Variants in MPP7 observed in about 807,000 individuals in gnomAD.
MPP7 encodes the protein MAGUK p55 subfamily member 7.
A neutral mutation model predicts 76.5 loss-of-function variants in MPP7; 60 were observed. That is an observed-to-expected ratio of 0.78 (90% CI 0.64 to 0.97). The LOEUF (loss-of-function observed/expected upper bound fraction) is 0.97, where lower values mean the gene tolerates loss of function less well. MPP7 is among the 50% of genes least tolerant of loss of function. The pLI is 0.00. For synonymous variants in MPP7, 237 were observed against 244.5 expected, an observed-to-expected ratio of 0.97 and a Z score of 0.29; for missense variants, 641 against 694.0, an observed-to-expected ratio of 0.92 and a Z score of 0.86.
At chr10:28,168,668 G>A (rs182394065) in intron 3 of MPP7, among the ~76,000 whole-genome samples, 21 of 151,998 alleles carry the variant, frequency 1.4e-4, no homozygotes, top group African/African-American at 5.1e-4. Flanking sequence ...ACAGGTGCCT[G>A]CCACCATGCT....
chr10:28,121,370 CA>C (rs945401263), intron 8 of MPP7, among the ~76,000 whole-genome samples: 1 of 149,246 alleles, frequency 6.7e-6, no homozygotes, highest in Non-Finnish European at 1.5e-5. Flanking sequence ...GTCAGTAGTG[CA>C]GTTACAAATA....
intron 1 of MPP7, among the ~76,000 whole-genome samples, chr10:28,283,154 A>T (rs867640674): frequency 2.6e-5 from 4 of 152,108 alleles, no homozygotes; most frequent in Admixed American, 6.5e-5. Flanking sequence ...TATCCAAATT[A>T]TGTGAAGGAG....
intron 2 of MPP7, among the ~76,000 whole-genome samples, chr10:28,227,476 C>A (rs975099397): frequency 6.6e-6 from 1 of 151,828 alleles, no homozygotes; most frequent in African/African-American, 2.4e-5. Context: ...CCACCCCCAA[C>A]CCCCGACAGG....
intron 3 of MPP7, among the ~76,000 whole-genome samples, chr10:28,163,545 G>A (rs371854360): frequency 1.1e-4 from 17 of 152,178 alleles, no homozygotes; most frequent in African/African-American, 3.9e-4. Flanking sequence ...ACCAGGATAG[G>A]CAAGAAACTT....
intron 4 of MPP7, among the ~76,000 whole-genome samples, chr10:28,148,434 A>G (rs542849385): frequency 6.6e-6 from 1 of 152,254 alleles, no homozygotes; most frequent in South Asian, 2.1e-4. Flanking sequence ...TTATTTAAAA[A>G]CCCGTCTTAA....
chr10:28,153,525 G>GT (rs933984774), intron 3 of MPP7, among the ~76,000 whole-genome samples: 18 of 151,918 alleles, frequency 1.2e-4, no homozygotes, highest in African/African-American at 4.4e-4. Flanking sequence ...GTCCATAAGG[G>GT]TTTTTTTCCT....
chr10:28,213,226 T>C (rs1312094313), intron 2 of MPP7, among the ~76,000 whole-genome samples: 1 of 152,048 alleles, frequency 6.6e-6, no homozygotes, highest in Non-Finnish European at 1.5e-5. Flanking sequence ...AGAGAATTGA[T>C]CCTTGTACGG....
chr10:28,088,287 C>T (rs1853116349), intron 12 of MPP7, among the ~76,000 whole-genome samples: 1 of 152,064 alleles, frequency 6.6e-6, no homozygotes, highest in African/African-American at 2.4e-5. Flanking sequence ...GGCTCTGTGT[C>T]CCCACCCAAG....
intron 2 of MPP7, among the ~76,000 whole-genome samples, chr10:28,214,801 G>C (rs1445258020): frequency 6.6e-6 from 1 of 152,094 alleles, no homozygotes; most frequent in African/African-American, 2.4e-5. Flanking sequence ...CCCCCTTCTT[G>C]CCTGGGGACC....
intron 3 of MPP7, among the ~76,000 whole-genome samples, chr10:28,171,222 C>T (rs1490932570): frequency 6.6e-6 from 1 of 152,138 alleles, no homozygotes; most frequent in East Asian, 1.9e-4. Context: ...CATTAAACAA[C>T]TAATTACATT....
chr10:28,310,145 G>A (rs1841281872), intron 2 of MPP7, among the ~76,000 whole-genome samples: 1 of 151,708 alleles, frequency 6.6e-6, no homozygotes, highest in Non-Finnish European at 1.5e-5. Context: ...AGGATTACAG[G>A]CACCTGCCAC....
At chr10:28,111,214 AT>A (rs200410653) in intron 11 of MPP7, among the ~76,000 whole-genome samples, 2,007 of 152,150 alleles carry the variant, frequency 0.013, 14 homozygotes, top group Non-Finnish European at 0.021. Context: ...GAAAAAAAAA[AT>A]CCACCTACCA....
At chr10:28,098,881 A>G (rs1405848290) in intron 11 of MPP7, among the ~76,000 whole-genome samples, 1 of 152,078 alleles carries the variant, frequency 6.6e-6, no homozygotes, top group Non-Finnish European at 1.5e-5. Context: ...CAAGGAAGAG[A>G]GAGAACCAGA....
chr10:28,283,849 G>C (rs975181783), intron 1 of MPP7, among the ~76,000 whole-genome samples: 1 of 152,112 alleles, frequency 6.6e-6, no homozygotes, highest in Non-Finnish European at 1.5e-5. Flanking sequence ...ATTGTTATTA[G>C]ACAGGAAAAT....
chr10:28,054,289 T>G, intron 16 of MPP7, 45 bp from the exon 17 acceptor site: 1 of 1,136,924 alleles, frequency 8.8e-7, no homozygotes, highest in Non-Finnish European at 1.3e-6. Flanking sequence ...ACCAGGCCAT[T>G]ACCTCACTTC....
intron 11 of MPP7, chr10:28,118,309 C>T: frequency 5.1e-6 from 5 of 979,548 alleles, no homozygotes; most frequent in Non-Finnish European, 6.1e-6. Context: ...ATACACTTAT[C>T]AAAAATTTTC....
chr10:28,076,912 A>G (rs1852514358), intron 12 of MPP7, among the ~76,000 whole-genome samples: 1 of 151,592 alleles, frequency 6.6e-6, no homozygotes, highest in Non-Finnish European at 1.5e-5. Context: ...ATGCAAATAG[A>G]GTGTCCCAGC....
intron 3 of MPP7, among the ~76,000 whole-genome samples, chr10:28,157,203 T>TG (rs1447467524): frequency 6.6e-6 from 1 of 151,846 alleles, no homozygotes; most frequent in Non-Finnish European, 1.5e-5. Flanking sequence ...GGGCGAGACT[T>TG]GGTCTCAGAA....
intron 11 of MPP7, among the ~76,000 whole-genome samples, chr10:28,098,262 T>C (rs1387396076): frequency 6.6e-6 from 1 of 151,908 alleles, no homozygotes; most frequent in East Asian, 1.9e-4. Flanking sequence ...GTTGAAACTA[T>C]TAAAATTATA....
Sources: gnomAD v4.1 joint callset for allele counts (sites outside exome capture counted in the v4.1 genomes callset) on GRCh38, gnomAD v4.1.1 for gene constraint, MANE v1.5 for transcripts, NCBI Gene and HGNC (gene_info 2026-07-23, HGNC 2026-07-21) for gene names.